RBM28: variants seen among roughly 807,000 people sequenced by gnomAD.
RBM28 encodes RNA-binding protein 28.
Under a neutral mutation model 98.3 loss-of-function variants are expected in RBM28, and 78 were observed. The ratio of observed to expected loss-of-function variants is 0.79; its 90% CI spans 0.66 to 0.96. RBM28 has a LOEUF of 0.96. RBM28 is among the 40% of genes least tolerant of loss of function. RBM28 has a pLI of 0.00. For synonymous variants in RBM28, 306 were observed against 330.9 expected, an observed-to-expected ratio of 0.92 and a Z score of 0.82; for missense variants, 838 against 913.0, an observed-to-expected ratio of 0.92 and a Z score of 1.06.
In RBM28 at chr7:128,303,874, CAAGGG is replaced by C. The variant is rs1795814202; in HGVS notation, c.*6918_*6922del. 2 of 152,124 alleles carry C rather than the reference CAAGGG, an allele frequency of 1.3e-5. No homozygotes were observed. Among genetic ancestry groups the C allele is most frequent in the African/African-American group, 4.8e-5 (2 of 41,404 alleles). 9.4% of individuals were successfully genotyped at this position (152,124 alleles called of 1,614,324 possible). A position where few individuals can be genotyped will look rare whatever the true frequency, so the allele number is the denominator to read the frequency against. On this transcript the variant is annotated 3_prime_UTR_variant, in exon 19 of 19. Coordinates refer to ENST00000223073, the MANE Select transcript of RBM28 (RefSeq NM_018077.3). ...GTATCAGAAGCTACCCATGAAAGGC[CAAGGG>C]CCTACAGCAAAGCTCCCATGACTGG...
chr7:128,314,109 C>T (rs2116323547), intron 17 of RBM28, among the ~76,000 whole-genome samples: 1 of 152,212 alleles, frequency 6.6e-6, no homozygotes, highest in Non-Finnish European at 1.5e-5. Flanking sequence ...ACTACAGGCG[C>T]CCGCCACCGC....
Position 128,343,836 on chromosome 7 carries a change from G to A in RBM28, c.-43C>T, listed in dbSNP as rs559982352. 2.7e-5 allele frequency: 38 copies of A among 1,429,544 alleles called. No homozygotes were observed. The highest frequency in any genetic ancestry group is 7.6e-5 in the South Asian group (6 of 79,056). The allele number at this position is 1,429,544 out of a possible 1,614,324, so 88.6% of individuals were successfully genotyped here. A position where few individuals can be genotyped will look rare whatever the true frequency, so the allele number is the denominator to read the frequency against. ...AGCGCGTGAGGACGCGAGCAAACTA[G>A]GCCGGCGCACGCGAGCCGAAACGCT... On this transcript the variant is annotated 5_prime_UTR_variant, in exon 1 of 19. Coordinates refer to ENST00000223073, the MANE Select transcript of RBM28 (RefSeq NM_018077.3).
intron 1 of RBM28, among the ~76,000 whole-genome samples, chr7:128,342,988 CTTAT>C (rs1405022696): frequency 6.6e-6 from 1 of 152,174 alleles, no homozygotes; most frequent in Non-Finnish European, 1.5e-5. Context: ...CTTTCCCTGG[CTTAT>C]TTTTCTCCTT....
chr7:128,321,297 G>C lies in RBM28; in HGVS notation c.1532C>G (p.Thr511Ser). The C allele has an allele frequency of 1.9e-6, 3 of 1,614,220 alleles. 1 individual carries two copies. In the South Asian group the frequency reaches 3.3e-5, roughly 18 times the overall value. Residue 511 changes from threonine (T) to serine (S), a missense_variant, in exon 14 of 19, where the codon ACT becomes AGT. Coordinates refer to ENST00000223073, the MANE Select transcript of RBM28 (RefSeq NM_018077.3). Reference protein sequence around the residue: ...KQLRKLLLSATSGEKGVRIKE... With the variant: ...KQLRKLLLSASSGEKGVRIKE... ...GATGCGCACCCCTTTCTCTCCACTA[G>C]TAGCACTCAGCAGCAGCTTTCTGAG...
At chr7:128,327,430 T>C (rs1362806733) in intron 10 of RBM28, among the ~76,000 whole-genome samples, 2 of 152,192 alleles carry the variant, frequency 1.3e-5, no homozygotes, top group African/African-American at 2.4e-5. Flanking sequence ...AGAATCTCCA[T>C]AAGGCATGCC....
rs140616619 is a variant in RBM28, at chr7:128,314,992, C to T, written c.1817G>A (p.Gly606Asp). The T allele has an allele frequency of 4.5e-4, 719 of 1,614,200 alleles. 7 individuals carry two copies. In the South Asian group the frequency reaches 5.4e-3, roughly 12 times the overall value. The change falls in exon 17 of 19, where the codon GGT becomes GAT. Residue 606 changes from glycine (G) to aspartate (D), a missense_variant. Physicochemically the swap from Gly to Asp is moderately conservative, Grantham distance 94. Transcript: ENST00000223073. ...LQKMRSKPAT[G>D]EPQKGQPEPA... ...CTCTGGTTGCCCCTTCTGAGGCTCA[C>T]CAGTTGCAGGCTTGGATCTCATTTT...
chr7:128,338,942 C>G, intron 3 of RBM28, 141 bp from the exon 4 acceptor site: 1 of 760,068 alleles, frequency 1.3e-6, no homozygotes, highest in Non-Finnish European at 2.3e-6. Flanking sequence ...TCAAATGTTT[C>G]TAAATAGAAG....
chr7:128,342,490 T>C (rs1360885029), intron 1 of RBM28, among the ~76,000 whole-genome samples: 1 of 152,092 alleles, frequency 6.6e-6, no homozygotes, highest in Non-Finnish European at 1.5e-5. Context: ...CAGACAACCC[T>C]GGCCAACATA....
At chr7:128,331,095 G>A (rs574505499) in intron 9 of RBM28, among the ~76,000 whole-genome samples, 167 bp from the exon 10 acceptor site, 1 of 152,258 alleles carries the variant, frequency 6.6e-6, no homozygotes, top group East Asian at 1.9e-4. Flanking sequence ...ACTTTCCTTT[G>A]TCAATGAGGT....
chr7:128,339,466 C>G (rs1348386542), intron 2 of RBM28, 145 bp from the exon 3 acceptor site: 13 of 1,165,422 alleles, frequency 1.1e-5, no homozygotes, highest in Non-Finnish European at 1.6e-5. Context: ...CCAGATTTTT[C>G]CAAAGAACTA....
chr7:128,339,687 C>T lies in RBM28; in HGVS notation c.223G>A (p.Val75Met), dbSNP rs778159238. ...ITTFEGCKIN[V>M]TVAKKKLRNK... ...CTCAGTTTTTTCTTGGCAACAGTCA[C>T]GTTGATCTTGCAACCTTCAAAGGTG... The change falls in exon 2 of 19, where the codon GTG becomes ATG. Residue 75 changes from valine to methionine, a missense_variant. By Grantham distance (21) the Val-to-Met change is conservative. Transcript: ENST00000223073. The T allele has an allele frequency of 8.1e-6, 13 of 1,613,942 alleles. No homozygotes were observed. Among genetic ancestry groups the T allele is most frequent in the Non-Finnish European group, 1.0e-5 (12 of 1,179,968 alleles).
In RBM28 at chr7:128,317,696, T is replaced by A. The variant is rs1313748476; in HGVS notation, c.1751A>T (p.Lys584Ile). 6.2e-7 allele frequency: 1 copy of A among 1,609,466 alleles called. No homozygotes were observed. Among genetic ancestry groups the A allele is most frequent in the African/African-American group, 1.3e-5 (1 of 74,834 alleles). ...GATCCTTAATTCCTTCATTTTAAGT[T>A]TTCTTCGATCTTCTAAAGAGAACTC... is the stretch of plus-strand genomic sequence containing the variant. ...IVEFSLEDRRKLKMKELRIQR... is the reference protein window; with the variant it reads ...IVEFSLEDRRILKMKELRIQR... Residue 584 changes from lysine to isoleucine, a missense_variant, in exon 16 of 19, where the codon AAA (lysine) becomes ATA (isoleucine). Lys to Ile is a moderately radical substitution (Grantham distance 102, BLOSUM62 -3). Transcript: ENST00000223073.
At chr7:128,313,821 C>A (rs185514728) in intron 17 of RBM28, among the ~76,000 whole-genome samples, 7 of 152,180 alleles carry the variant, frequency 4.6e-5, no homozygotes, top group African/African-American at 1.4e-4. Flanking sequence ...AACACTCCCC[C>A]CTGCTCCTGG....
intron 10 of RBM28, among the ~76,000 whole-genome samples, chr7:128,330,135 CA>C (rs1796446035): frequency 6.6e-6 from 1 of 151,870 alleles, no homozygotes; most frequent in Admixed American, 6.6e-5. Flanking sequence ...GTTTTTCTGT[CA>C]GCTTCTACCT....
At position 128,313,128 on chromosome 7, in the gene RBM28, C is replaced by T. The variant is rs541807699; in HGVS notation, c.2145+47G>A. 9 of 1,557,720 alleles carry T rather than the reference C, an allele frequency of 5.8e-6. No individual in the cohort carries two copies. In the South Asian group the frequency reaches 1.0e-4, roughly 17 times the overall value. On this transcript the variant is annotated intron_variant, in intron 18 of 18. Transcript: ENST00000223073. Reference sequence around the variant, plus strand: ...ACCAAGGTACAAACATGGCTACGACCTGGCAGAACCATGCCATACCAAAGC... The same window carrying T: ...ACCAAGGTACAAACATGGCTACGACTTGGCAGAACCATGCCATACCAAAGC...
rs1562956112 is a variant in RBM28, at chr7:128,330,851, A to G, written c.1097T>C (p.Ile366Thr). The G allele has an allele frequency of 2.5e-6, 4 of 1,614,006 alleles. No homozygotes were observed. The highest frequency in any genetic ancestry group is 2.2e-5 in the East Asian group (1 of 44,896). ...QQFGELKYVR[I>T]VLHPDTEHSK... ...ATGCTCTGTGTCTGGATGCAAGACA[A>G]TGCGGACATATTTGAGTTCTCCAAA... The change falls in exon 10 of 19, where the codon ATT (isoleucine) becomes ACT (threonine). Residue 366 changes from isoleucine to threonine, a missense_variant. By Grantham distance (89) the Ile-to-Thr change is moderately conservative. Transcript: ENST00000223073.
rs1158939962 is a variant in RBM28, at chr7:128,315,576, ATC to A, written c.1789-558_1789-557del. Among the ~76,000 whole-genome samples the A allele has an allele frequency of 7.2e-5, 11 of 152,340 alleles. No individual in the cohort carries two copies. In the South Asian group the frequency reaches 2.1e-3, roughly 29 times the overall value. On this transcript the variant is annotated intron_variant, in intron 16 of 18. Coordinates refer to ENST00000223073, the MANE Select transcript of RBM28 (RefSeq NM_018077.3). ...AGGAACAAGGATGAGATTACATCAA[ATC>A]TCTCTCTCTTTTGTTTTTAATAGGC...
In RBM28 at chr7:128,343,864, C is replaced by T. The variant is rs1334076377; in HGVS notation, c.-71G>A. On this transcript the variant is annotated 5_prime_UTR_variant, in exon 1 of 19. Transcript: ENST00000223073. ...CGGCGCACGCGAGCCGAAACGCTGG[C>T]TTTGGTAGGACAACCAAGCTCACAC... The T allele has an allele frequency of 1.8e-6, 2 of 1,132,638 alleles. No individual in the cohort carries two copies. Among genetic ancestry groups the T allele is most frequent in the Non-Finnish European group, 2.5e-6 (2 of 799,332 alleles). The allele number at this position is 1,132,638 out of a possible 1,614,324, so 70.2% of individuals were successfully genotyped here.
intron 18 of RBM28, among the ~76,000 whole-genome samples, chr7:128,312,936 T>C (rs3816420): frequency 0.13 from 20,160 of 152,144 alleles, 1,476 homozygotes; most frequent in Middle Eastern, 0.2. Context: ...GGGGAAAGCA[T>C]GTTATGGGGA....
Sources: gnomAD v4.1 joint callset for allele counts (sites outside exome capture counted in the v4.1 genomes callset) on GRCh38, gnomAD v4.1.1 for gene constraint, MANE v1.5 for transcripts, NCBI Gene and HGNC (gene_info 2026-07-23, HGNC 2026-07-21) for gene names.